The following KCNT2 variants were observed in gnomAD, a reference collection of about 807,000 sequenced individuals.
KCNT2 encodes potassium channel subfamily T member 2.
A neutral mutation model predicts 153.8 loss-of-function variants in KCNT2; 67 were observed. The ratio of observed to expected loss-of-function variants is 0.44; its 90% confidence interval spans 0.36 to 0.53. KCNT2 has a LOEUF of 0.53. Among genes scored for constraint, KCNT2 ranks in the 20% least tolerant of loss-of-function variants. The pLI is 0.00. For synonymous variants in KCNT2, 500 were observed against 458.8 expected (o/e 1.09, Z -1.15); for missense variants, 975 against 1,354.8 (o/e 0.72, Z 4.40).
chr1:196,547,924 G>A (rs1427386624), intron 1 of KCNT2, among the ~76,000 whole-genome samples: 1 of 151,776 alleles, frequency 6.6e-6, no homozygotes, highest in Non-Finnish European at 1.5e-5. Context: ...AAATCAGCTA[G>A]GGATAGTCTA....
At position 196,379,459 on chromosome 1, in the gene KCNT2, C is replaced by T. The variant is rs189345342; in HGVS notation, c.1295-6211G>A. ...TGGTTGTGCATGCCTGTCATCCCAG[C>T]TACTCGGGAGGCTGAGGCAGGAGAA... On this transcript the variant is annotated intron_variant, in intron 13 of 27. Transcript: ENST00000294725. 5.9e-5 allele frequency among the ~76,000 whole-genome samples: 9 copies of T among 152,092 alleles called. No homozygotes were observed. In the East Asian group the frequency reaches 1.8e-3, roughly 30 times the overall value.
chr1:196,285,872 A>T, intron 22 of KCNT2, 114 bp from the exon 23 acceptor site: 1 of 651,120 alleles, frequency 1.5e-6, no homozygotes, highest in South Asian at 1.8e-5. Context: ...GTTCTTAGCT[A>T]TAAATGTGTC....
chr1:196,326,251 G>C (rs1266339417), intron 19 of KCNT2, among the ~76,000 whole-genome samples: 3 of 151,970 alleles, frequency 2.0e-5, no homozygotes, highest in African/African-American at 7.2e-5. Context: ...AGAATGTATG[G>C]TTTAACAGTG....
chr1:196,293,171 A>G (rs1660357607), intron 22 of KCNT2, among the ~76,000 whole-genome samples: 1 of 152,208 alleles, frequency 6.6e-6, no homozygotes, highest in African/African-American at 2.4e-5. Context: ...TGGAAGAAAC[A>G]ATATTGTTAA....
At chr1:196,407,848 A>ATT (rs35602884) in intron 12 of KCNT2, among the ~76,000 whole-genome samples, 41 of 148,908 alleles carry the variant, frequency 2.8e-4, no homozygotes, top group African/African-American at 4.9e-4. Flanking sequence ...AATAAAAACA[A>ATT]TTTTTTTTTT....
chr1:196,351,335 A>G (rs1666673511), intron 14 of KCNT2, among the ~76,000 whole-genome samples: 1 of 152,164 alleles, frequency 6.6e-6, no homozygotes, highest in South Asian at 2.1e-4. Context: ...CCTACCCATG[A>G]GCATGGAATG....
intron 1 of KCNT2, among the ~76,000 whole-genome samples, chr1:196,531,156 T>C (rs1384634378): frequency 6.6e-6 from 1 of 152,114 alleles, no homozygotes; most frequent in African/African-American, 2.4e-5. Context: ...TTTCTTCAAG[T>C]GTAGGCTTTG....
chr1:196,232,384 T>C (rs1654031830), intron 27 of KCNT2, among the ~76,000 whole-genome samples: 1 of 150,536 alleles, frequency 6.6e-6, no homozygotes, highest in African/African-American at 2.4e-5. Flanking sequence ...CTGCATTCAT[T>C]GATGCAGTAG....
chr1:196,323,622 T>C (rs1379065160), intron 19 of KCNT2, among the ~76,000 whole-genome samples: 2 of 151,954 alleles, frequency 1.3e-5, no homozygotes, highest in East Asian at 3.9e-4. Context: ...TGAACACTTA[T>C]TTTGGCATAT....
At chr1:196,595,390 G>A (rs1663926725) in intron 1 of KCNT2, among the ~76,000 whole-genome samples, 1 of 152,054 alleles carries the variant, frequency 6.6e-6, no homozygotes, top group Admixed American at 6.6e-5. Flanking sequence ...GAATTACTTA[G>A]CAACCAGAAG....
chr1:196,506,563 G>A (rs1053937679), intron 1 of KCNT2, among the ~76,000 whole-genome samples: 1 of 152,080 alleles, frequency 6.6e-6, no homozygotes, highest in Non-Finnish European at 1.5e-5. Context: ...TCAAACAGTA[G>A]CTTACTCATT....
At chr1:196,607,421 T>C (rs1261712486) in intron 1 of KCNT2, among the ~76,000 whole-genome samples, 1 of 152,242 alleles carries the variant, frequency 6.6e-6, no homozygotes, top group Non-Finnish European at 1.5e-5. Flanking sequence ...CAGAAGTTTG[T>C]GCAAAGCAGT....
intron 1 of KCNT2, among the ~76,000 whole-genome samples, chr1:196,568,478 C>T (rs1660373132): frequency 6.6e-6 from 1 of 151,886 alleles, no homozygotes; most frequent in South Asian, 2.1e-4. Flanking sequence ...CGCCTATAGT[C>T]CCAGCTACAC....
chr1:196,537,494 G>A (rs752267826), intron 1 of KCNT2, among the ~76,000 whole-genome samples: 11 of 152,160 alleles, frequency 7.2e-5, no homozygotes, highest in Non-Finnish European at 1.2e-4. Context: ...GCCAGCACTC[G>A]TGGTATGTTG....
In KCNT2 at chr1:196,362,101, T is replaced by C. The variant is rs891787873; in HGVS notation, c.1403+11039A>G. 3.9e-5 allele frequency among the ~76,000 whole-genome samples: 6 copies of C among 152,140 alleles called. No individual in the cohort carries two copies. The East Asian group carries it at 1.2e-3, about 29-fold the overall frequency. ...GAACTAAAAATAGTTCATTTGAGCA[T>C]GCTCCCCCACTTTTTTTGTTTGTTT... On this transcript the variant is annotated intron_variant, in intron 14 of 27. Transcript: ENST00000294725.
chr1:196,583,323 C>CA (rs748249683), intron 1 of KCNT2, among the ~76,000 whole-genome samples: 6 of 151,828 alleles, frequency 4.0e-5, no homozygotes, highest in Non-Finnish European at 8.8e-5. Context: ...TATTTAAACA[C>CA]AAAAAATACC....
Position 196,311,205 on chromosome 1 carries a change from G to A in KCNT2, c.2483+4687C>T, listed in dbSNP as rs533591170. Among the ~76,000 whole-genome samples the A allele has an allele frequency of 8.6e-5, 13 of 151,716 alleles. No individual in the cohort carries two copies. In the East Asian group the frequency reaches 2.3e-3, roughly 27 times the overall value. ...TAATTCTCTAATTAAAATTTTAAAT[G>A]ACTGGCTTAATACCTTCTCTGTTAG... On this transcript the variant is annotated intron_variant, in intron 21 of 27. Transcript: ENST00000294725.
chr1:196,457,731 T>C (rs1050390967), intron 8 of KCNT2, among the ~76,000 whole-genome samples: 2 of 151,980 alleles, frequency 1.3e-5, no homozygotes, highest in Non-Finnish European at 2.9e-5. Flanking sequence ...AAGCTATCTA[T>C]TTTTAGTCAA....
intron 1 of KCNT2, among the ~76,000 whole-genome samples, chr1:196,586,179 A>C (rs569752392): frequency 6.6e-6 from 1 of 152,208 alleles, no homozygotes; most frequent in African/African-American, 2.4e-5. Context: ...CAGGAGGATC[A>C]CTTCAGCCCC....
Sources: gnomAD v4.1 joint callset for allele counts (sites outside exome capture counted in the v4.1 genomes callset) on GRCh38, gnomAD v4.1.1 for gene constraint, MANE v1.5 for transcripts, NCBI Gene and HGNC (gene_info 2026-07-23, HGNC 2026-07-21) for gene names.